TEX14: variants seen among roughly 807,000 people sequenced by gnomAD.
The protein encoded by TEX14 is inactive serine/threonine-protein kinase TEX14.
Under a neutral mutation model 178.6 loss-of-function variants are expected in TEX14, and 168 were observed. That is an observed-to-expected ratio of 0.94 (90% CI 0.83 to 1.07). The LOEUF (loss-of-function observed/expected upper bound fraction) is 1.07, where lower values mean the gene tolerates loss of function less well. Among genes scored for constraint, TEX14 ranks in the 50% least tolerant of loss-of-function variants. TEX14 has a pLI of 0.00. For synonymous variants in TEX14, 626 were observed against 634.1 expected, an observed-to-expected ratio of 0.99 and a Z score of 0.19; for missense variants, 1,730 against 1,753.6, an observed-to-expected ratio of 0.99 and a Z score of 0.24.
intron 1 of TEX14, chr17:58,661,676 A>G (rs1157324558): frequency 3.3e-6 from 2 of 611,000 alleles, no homozygotes; most frequent in Non-Finnish European, 5.8e-6. Flanking sequence ...GATTTCTAAC[A>G]ACCAGTCTGA....
chr17:58,607,981 C>A (rs979755454), intron 10 of TEX14, among the ~76,000 whole-genome samples: 6 of 152,104 alleles, frequency 3.9e-5, no homozygotes, highest in Non-Finnish European at 1.5e-5. Flanking sequence ...GATCCTGTGT[C>A]CCCCACCCAC....
At chr17:58,688,007 G>A (rs2047629621) in intron 1 of TEX14, among the ~76,000 whole-genome samples, 1 of 152,186 alleles carries the variant, frequency 6.6e-6, no homozygotes, top group Non-Finnish European at 1.5e-5. Flanking sequence ...CTAGTCTTCA[G>A]AGTGCTAATC....
chr17:58,606,680 G>A (rs539562675), intron 10 of TEX14, among the ~76,000 whole-genome samples: 3 of 151,760 alleles, frequency 2.0e-5, no homozygotes, highest in South Asian at 4.2e-4. Context: ...GTTGCAGTGC[G>A]CCAAGACTGA....
intron 11 of TEX14, among the ~76,000 whole-genome samples, chr17:58,603,124 C>G (rs1414903656): frequency 6.6e-6 from 1 of 151,880 alleles, no homozygotes; most frequent in African/African-American, 2.4e-5. Context: ...TACTCATTTA[C>G]CAGAGAGATC....
intron 15 of TEX14, among the ~76,000 whole-genome samples, chr17:58,591,640 G>A (rs769726318): frequency 2.6e-5 from 4 of 151,220 alleles, no homozygotes; most frequent in Non-Finnish European, 4.4e-5. Context: ...CCACTAGGGC[G>A]AGGAATAAAA....
intron 5 of TEX14, among the ~76,000 whole-genome samples, chr17:58,620,004 A>C (rs1345540769): frequency 6.6e-6 from 1 of 152,170 alleles, no homozygotes; most frequent in Non-Finnish European, 1.5e-5. Context: ...GAGCCCTACC[A>C]TGCACCAAGC....
intron 20 of TEX14, among the ~76,000 whole-genome samples, chr17:58,577,987 A>G (rs915581921): frequency 6.6e-6 from 1 of 152,198 alleles, no homozygotes; most frequent in African/African-American, 2.4e-5. Context: ...ACTCCTCCCC[A>G]GTTCTCAGTA....
chr17:58,575,416 T>G (rs2044653355), intron 21 of TEX14, among the ~76,000 whole-genome samples: 1 of 152,122 alleles, frequency 6.6e-6, no homozygotes, highest in African/African-American at 2.4e-5. Flanking sequence ...GTGCCTGTCC[T>G]TCACATTTTT....
chr17:58,665,090 G>A (rs2047182427), intron 1 of TEX14, among the ~76,000 whole-genome samples: 1 of 152,156 alleles, frequency 6.6e-6, no homozygotes, highest in Admixed American at 6.5e-5. Context: ...TGCTTGTCCA[G>A]TGGAATATGA....
chr17:58,594,451 A>T (rs1430053744), intron 14 of TEX14, among the ~76,000 whole-genome samples: 1 of 151,804 alleles, frequency 6.6e-6, no homozygotes, highest in Non-Finnish European at 1.5e-5. Context: ...CCCAGGCTCA[A>T]GAGATTCTCA....
At chr17:58,626,033 C>A (rs571980785) in intron 3 of TEX14, among the ~76,000 whole-genome samples, 4 of 152,128 alleles carry the variant, frequency 2.6e-5, no homozygotes, top group South Asian at 4.1e-4. Context: ...CAGGCGTGAG[C>A]CACTGTGCCC....
chr17:58,566,608 G>C (rs190080735), intron 26 of TEX14, among the ~76,000 whole-genome samples: 9 of 151,974 alleles, frequency 5.9e-5, no homozygotes, highest in African/African-American at 1.9e-4. Context: ...AGCCCAGCCT[G>C]GCCAACATAG....
At chr17:58,689,236 A>T (rs1228591166) in intron 1 of TEX14, among the ~76,000 whole-genome samples, 1 of 144,242 alleles carries the variant, frequency 6.9e-6, no homozygotes, top group Non-Finnish European at 1.5e-5. Context: ...TAATTTATTT[A>T]TTTTTAGAGG....
intron 2 of TEX14, chr17:58,648,080 C>G (rs934434817): frequency 6.6e-6 from 1 of 152,292 alleles, no homozygotes; most frequent in Admixed American, 6.6e-5. Flanking sequence ...CACTCTTCCT[C>G]TGATCTCAAC....
At chr17:58,587,297 T>C (rs2045001254) in intron 17 of TEX14, among the ~76,000 whole-genome samples, 2 of 152,196 alleles carry the variant, frequency 1.3e-5, no homozygotes, top group South Asian at 4.1e-4. Flanking sequence ...GAGGACTTAT[T>C]GTATTGTGCA....
At chr17:58,582,782 T>A (rs1443372869) in intron 19 of TEX14, among the ~76,000 whole-genome samples, 1 of 151,714 alleles carries the variant, frequency 6.6e-6, no homozygotes, top group African/African-American at 2.4e-5. Context: ...ATGGCTGGTC[T>A]CAAACTCCTG....
intron 2 of TEX14, among the ~76,000 whole-genome samples, chr17:58,645,514 G>A (rs977944123): frequency 1.2e-4 from 18 of 151,862 alleles, no homozygotes; most frequent in South Asian, 2.1e-4. Context: ...GCCCGCCACC[G>A]CGCCCGACTA....
rs1229449233 is a variant in TEX14 at position 58,585,911 on chromosome 17, T to C, written c.2960A>G (p.Tyr987Cys). The change falls in exon 18 of 32, where the codon TAT (tyrosine) becomes TGT (cysteine). Residue 987 changes from tyrosine to cysteine, a missense_variant. By Grantham distance (194) the Tyr-to-Cys change is radical. Coordinates refer to ENST00000349033, the MANE Select transcript of TEX14 (RefSeq NM_031272.5). ...ENTDWQRVIE[Y>C]HRENDEPRGN... is the part of the protein sequence containing the mutation. ...TCTGGGCTCATCATTTTCCCTATGATACTCAATAACTCGCTGCCAATCCGT... is the reference window on the plus strand; with the variant it reads ...TCTGGGCTCATCATTTTCCCTATGACACTCAATAACTCGCTGCCAATCCGT... The C allele has an allele frequency of 2.5e-6, 4 of 1,614,046 alleles. No individual in the cohort carries two copies. Among genetic ancestry groups the C allele is most frequent in the East Asian group, 2.2e-5 (1 of 44,876 alleles).
intron 1 of TEX14, among the ~76,000 whole-genome samples, chr17:58,664,473 A>G (rs7209327): frequency 0.15 from 22,279 of 152,222 alleles, 2,525 homozygotes; most frequent in East Asian, 0.31. Flanking sequence ...CATTACTTAC[A>G]TGTAGCACAT....
Sources: allele counts gnomAD v4.1 joint callset (sites outside exome capture counted in the v4.1 genomes callset), GRCh38; gene constraint gnomAD v4.1.1; transcripts MANE v1.5; gene names NCBI Gene and HGNC (gene_info 2026-07-23, HGNC 2026-07-21).